Variants in NKAIN2 observed in about 807,000 individuals in gnomAD.
The protein encoded by NKAIN2 is sodium/potassium-transporting ATPase subunit beta-1-interacting protein 2.
A neutral mutation model predicts 32.6 loss-of-function variants in NKAIN2; 14 were observed. The ratio of observed to expected loss-of-function variants is 0.43; its 90% CI spans 0.28 to 0.67. NKAIN2 has a LOEUF of 0.67. Ranked by LOEUF, NKAIN2 falls within the 30% of genes least tolerant of loss-of-function variation. The pLI is 0.17. For missense variants in NKAIN2, 198 were observed against 258.3 expected, an observed-to-expected ratio of 0.77 and a Z score of 1.60; for synonymous variants, 80 against 87.2, an observed-to-expected ratio of 0.92 and a Z score of 0.46.
intron 3 of NKAIN2, among the ~76,000 whole-genome samples, chr6:124,477,095 C>G (rs1340887509): frequency 6.6e-6 from 1 of 152,106 alleles, no homozygotes; most frequent in Non-Finnish European, 1.5e-5. Context: ...TCAGATTTCC[C>G]AAAGTACTTA....
chr6:123,891,592 A>C (rs1305350867), intron 1 of NKAIN2, among the ~76,000 whole-genome samples: 4 of 152,188 alleles, frequency 2.6e-5, no homozygotes, highest in Non-Finnish European at 5.9e-5. Context: ...CCCCATAGGA[A>C]ACATGGTCTC....
At chr6:124,690,600 A>G (rs1774209286) in intron 4 of NKAIN2, among the ~76,000 whole-genome samples, 1 of 152,146 alleles carries the variant, frequency 6.6e-6, no homozygotes, top group Non-Finnish European at 1.5e-5. Context: ...TTTAACTTAC[A>G]TTTCTAGTTT....
intron 1 of NKAIN2, among the ~76,000 whole-genome samples, chr6:124,082,660 A>T (rs1784028218): frequency 6.6e-6 from 1 of 152,058 alleles, no homozygotes; most frequent in African/African-American, 2.4e-5. Context: ...TCTTTAATAG[A>T]GTTCTGAGTT....
intron 1 of NKAIN2, among the ~76,000 whole-genome samples, chr6:124,107,223 C>G (rs918437083): frequency 1.3e-5 from 2 of 152,150 alleles, no homozygotes; most frequent in Non-Finnish European, 2.9e-5. Flanking sequence ...TGAGGCCGTA[C>G]CCGCAGAGCT....
At chr6:124,046,923 G>C (rs1251165129) in intron 1 of NKAIN2, among the ~76,000 whole-genome samples, 1 of 151,914 alleles carries the variant, frequency 6.6e-6, no homozygotes, top group Non-Finnish European at 1.5e-5. Flanking sequence ...ATGAGAAAAT[G>C]GTCTACAATT....
intron 3 of NKAIN2, among the ~76,000 whole-genome samples, chr6:124,484,836 T>C (rs934461711): frequency 3.9e-5 from 6 of 152,216 alleles, no homozygotes; most frequent in Non-Finnish European, 1.5e-5. Flanking sequence ...CATGTGTGTA[T>C]GTCCTGTTGG....
At chr6:124,120,633 CAGTAAG>C (rs1785834690) in intron 1 of NKAIN2, among the ~76,000 whole-genome samples, 1 of 152,120 alleles carries the variant, frequency 6.6e-6, no homozygotes, top group South Asian at 2.1e-4. Context: ...TGACTTCATG[CAGTAAG>C]AGTTGGAAAC....
intron 4 of NKAIN2, among the ~76,000 whole-genome samples, chr6:124,745,904 A>T (rs1777431195): frequency 6.6e-6 from 1 of 151,886 alleles, no homozygotes; most frequent in Non-Finnish European, 1.5e-5. Context: ...ACATTTTTTT[A>T]AAAAGCCAAG....
intron 1 of NKAIN2, among the ~76,000 whole-genome samples, chr6:124,121,564 G>A (rs1481478770): frequency 1.3e-5 from 2 of 151,888 alleles, no homozygotes; most frequent in Admixed American, 1.3e-4. Context: ...GCCAATTTTT[G>A]GAAGACACGT....
At chr6:124,267,618 A>T (rs1794564085) in intron 1 of NKAIN2, among the ~76,000 whole-genome samples, 1 of 152,236 alleles carries the variant, frequency 6.6e-6, no homozygotes, top group Non-Finnish European at 1.5e-5. Flanking sequence ...GAATTTTAAG[A>T]AATGTGTTGC....
In NKAIN2 at chr6:124,585,972, C is replaced by T. The variant is rs1414906743; in HGVS notation, c.274-72214C>T. Among the ~76,000 whole-genome samples the T allele has an allele frequency of 3.3e-5, 5 of 152,154 alleles. No individual in the cohort carries two copies. The East Asian group carries it at 5.8e-4, about 18-fold the overall frequency. On this transcript the variant is annotated intron_variant, in intron 3 of 6. Transcript: ENST00000368417. Reference sequence around the variant, plus strand: ...GCTTTTCTCCTATGTATTCTTCCATCGGTTCTATAGCTTTAGGTTTTACAT... The same window carrying T: ...GCTTTTCTCCTATGTATTCTTCCATTGGTTCTATAGCTTTAGGTTTTACAT...
chr6:124,433,943 A>G lies in NKAIN2; in HGVS notation c.273+78596A>G, dbSNP rs561147679. Among the ~76,000 whole-genome samples, 276 of 152,284 alleles carry G rather than the reference A, an allele frequency of 1.8e-3. 1 individual carries two copies. The highest frequency in any genetic ancestry group is 3.4e-3 in the Admixed American group (52 of 15,284). ...TCTTGGCAGTCTGTGCATGCAGTGC[A>G]CTAATTCACTGTCCTCCATTCTCAT... On this transcript the variant is annotated intron_variant, in intron 3 of 6. Coordinates refer to ENST00000368417, the MANE Select transcript of NKAIN2 (RefSeq NM_001040214.3).
chr6:123,834,415 A>C (rs1477070736), intron 1 of NKAIN2, among the ~76,000 whole-genome samples: 1 of 152,032 alleles, frequency 6.6e-6, no homozygotes. Flanking sequence ...TCAGCCTCCC[A>C]ACGTGCTGGG....
chr6:123,839,227 CA>C (rs1200980541), intron 1 of NKAIN2, among the ~76,000 whole-genome samples: 4,152 of 95,706 alleles, frequency 0.043, 129 homozygotes, highest in African/African-American at 0.12. Context: ...CTAAACACTC[CA>C]AAAAAAAAAA....
At chr6:123,856,599 C>T (rs1775563395) in intron 1 of NKAIN2, among the ~76,000 whole-genome samples, 1 of 152,194 alleles carries the variant, frequency 6.6e-6, no homozygotes, top group Non-Finnish European at 1.5e-5. Flanking sequence ...ATCTAGTTTA[C>T]AGATTACAAC....
intron 1 of NKAIN2, among the ~76,000 whole-genome samples, chr6:124,172,735 T>G (rs2114508492): frequency 6.6e-6 from 1 of 152,288 alleles, no homozygotes. Flanking sequence ...CAGTCCAGGT[T>G]TTTACTTTGA....
At chr6:124,168,355 A>G (rs1788677244) in intron 1 of NKAIN2, among the ~76,000 whole-genome samples, 2 of 152,118 alleles carry the variant, frequency 1.3e-5, no homozygotes, top group South Asian at 4.1e-4. Flanking sequence ...TTTAGCTACA[A>G]CAGAATTTAA....
chr6:124,098,049 G>A (rs1421600589), intron 1 of NKAIN2, among the ~76,000 whole-genome samples: 1 of 152,142 alleles, frequency 6.6e-6, no homozygotes. Context: ...CTGGGGAAGA[G>A]GAGACCAAGG....
chr6:124,134,392 T>G (rs1582709826), intron 1 of NKAIN2, among the ~76,000 whole-genome samples: 3 of 152,140 alleles, frequency 2.0e-5, no homozygotes, highest in Admixed American at 2.0e-4. Flanking sequence ...AACCTAAGAA[T>G]AATTGGTGTT....
Sources: allele counts gnomAD v4.1 joint callset (sites outside exome capture counted in the v4.1 genomes callset), GRCh38; gene constraint gnomAD v4.1.1; transcripts MANE v1.5; gene names NCBI Gene and HGNC (gene_info 2026-07-23, HGNC 2026-07-21).